Variants in UGGT1 observed in about 807,000 individuals in gnomAD.
The protein encoded by UGGT1 is UDP-glucose glycoprotein glucosyltransferase 1.
In UGGT1, 107 loss-of-function variants were observed where a neutral mutation model predicts 203.9. The ratio of observed to expected loss-of-function variants is 0.52; its 90% CI spans 0.45 to 0.62. The LOEUF (loss-of-function observed/expected upper bound fraction) is 0.62, where lower values mean the gene tolerates loss of function less well. Among genes scored for constraint, UGGT1 ranks in the 20% least tolerant of loss-of-function variants. The pLI is 0.00. For synonymous variants in UGGT1, 628 were observed against 653.5 expected, an observed-to-expected ratio of 0.96 and a Z score of 0.59; for missense variants, 1,673 against 1,867.2, an observed-to-expected ratio of 0.90 and a Z score of 1.92.
At chr2:128,133,087 G>A (rs1688958507) in intron 13 of UGGT1, 54 bp from the exon 14 acceptor site, 2 of 1,591,222 alleles carry the variant, frequency 1.3e-6, no homozygotes, top group Admixed American at 1.7e-5. Context: ...ATTATTGCAG[G>A]TTTTACTAAC....
chr2:128,161,926 C>T (rs1274217203), intron 25 of UGGT1, among the ~76,000 whole-genome samples: 1 of 152,144 alleles, frequency 6.6e-6, no homozygotes, highest in Non-Finnish European at 1.5e-5. Flanking sequence ...TTTGAGGAAC[C>T]ACAATACCTT....
intron 40 of UGGT1, among the ~76,000 whole-genome samples, chr2:128,188,976 G>A (rs773187057): frequency 5.9e-5 from 9 of 152,160 alleles, no homozygotes; most frequent in Non-Finnish European, 1.2e-4. Flanking sequence ...ATAGATAAAT[G>A]GGCAAAGAAT....
In UGGT1 at chr2:128,189,899, G is replaced by T; in HGVS notation, c.*157G>T. The T allele has an allele frequency of 1.4e-6, 1 of 716,070 alleles. No individual in the cohort carries two copies. Among genetic ancestry groups the T allele is most frequent in the Non-Finnish European group, 2.3e-6 (1 of 441,352 alleles). The allele number at this position is 716,070 out of a possible 1,614,324, so 44.4% of individuals were successfully genotyped here. On this transcript the variant is annotated 3_prime_UTR_variant, in exon 41 of 41. Coordinates refer to ENST00000259253, the MANE Select transcript of UGGT1 (RefSeq NM_020120.4). ...CATTTGATTCTGACTTCTGTACTCT[G>T]GTGGCCACTGGATCTTTGGGATTAA... is the stretch of plus-strand genomic sequence containing the variant.
intron 13 of UGGT1, 26 bp downstream of exon 13, chr2:128,129,205 A>G (rs1688760201): frequency 6.3e-7 from 1 of 1,587,634 alleles, no homozygotes; most frequent in Admixed American, 1.9e-5. Flanking sequence ...GGGTGATCAA[A>G]GGACTTTCTG....
intron 26 of UGGT1, among the ~76,000 whole-genome samples, chr2:128,168,627 A>G (rs989968723): frequency 2.0e-5 from 3 of 152,236 alleles, no homozygotes; most frequent in African/African-American, 7.2e-5. Context: ...AAAATTGGGT[A>G]TAATTTTAAA....
At chr2:128,151,906 G>T (rs1489795332) in intron 18 of UGGT1, among the ~76,000 whole-genome samples, 2 of 152,150 alleles carry the variant, frequency 1.3e-5, no homozygotes, top group African/African-American at 4.8e-5. Context: ...TGACTTTAAA[G>T]TATACCTGTG....
chr2:128,180,867 G>A (rs1412749786), intron 35 of UGGT1, 23 bp from the exon 36 acceptor site: 1 of 1,598,744 alleles, frequency 6.3e-7, no homozygotes, highest in East Asian at 2.2e-5. Flanking sequence ...ATGATTATTT[G>A]TTGTTCCCAT....
chr2:128,119,935 CTTTCTTTT>C (rs1461616000), intron 8 of UGGT1, among the ~76,000 whole-genome samples: 5 of 150,972 alleles, frequency 3.3e-5, no homozygotes, highest in African/African-American at 9.7e-5. Context: ...TCCTTTCTTT[CTTTCTTTT>C]TTTCTTTTTT....
At chr2:128,127,159 G>A (rs916032036) in intron 11 of UGGT1, among the ~76,000 whole-genome samples, 1 of 151,856 alleles carries the variant, frequency 6.6e-6, no homozygotes, top group Non-Finnish European at 1.5e-5. Context: ...TATTTTTGTG[G>A]TGTACAACAT....
intron 34 of UGGT1, among the ~76,000 whole-genome samples, chr2:128,179,030 A>G (rs559295160): frequency 3.3e-5 from 5 of 152,266 alleles, no homozygotes; most frequent in Admixed American, 2.6e-4. Context: ...GGACTTGTCT[A>G]AGGTCACACA....
chr2:128,175,916 A>G (rs976939863), intron 31 of UGGT1, among the ~76,000 whole-genome samples: 1 of 152,232 alleles, frequency 6.6e-6, no homozygotes, highest in Non-Finnish European at 1.5e-5. Flanking sequence ...GTGACTGGAA[A>G]TTTTAGGCAT....
chr2:128,113,025 A>G, intron 5 of UGGT1, 59 bp from the exon 6 acceptor site: 1 of 1,384,942 alleles, frequency 7.2e-7, no homozygotes, highest in South Asian at 1.7e-5. Context: ...ATATTTTGTG[A>G]CATTTTTAGT....
rs766776057 is a variant in UGGT1, at chr2:128,178,470, G to T, written c.3716G>T (p.Gly1239Val). The T allele has an allele frequency of 1.2e-6, 2 of 1,612,130 alleles. No individual in the cohort carries two copies. Among genetic ancestry groups the T allele is most frequent in the South Asian group, 2.2e-5 (2 of 90,818 alleles). Reference protein sequence around the residue: ...ESGFWDSFKWGFTGQKTEEVK... With the variant: ...ESGFWDSFKWVFTGQKTEEVK... ...TTTTTTTACCCTTATTGTTATAGGG[G>T]CTTTACAGGACAGAAGACTGAGGAA... Residue 1239 changes from glycine (G) to valine (V), a missense_variant and splice_region_variant, in exon 34 of 41, where the codon GGC (glycine) becomes GTC (valine). This residue lies in a region of UGGT1 where 513 missense variants were observed against 684.1 expected (regional missense o/e 0.75). Coordinates refer to ENST00000259253, the MANE Select transcript of UGGT1 (RefSeq NM_020120.4).
chr2:128,142,204 G>A (rs1689464248), intron 16 of UGGT1, among the ~76,000 whole-genome samples: 1 of 151,846 alleles, frequency 6.6e-6, no homozygotes, highest in Non-Finnish European at 1.5e-5. Flanking sequence ...CCAAAGTGCT[G>A]GGATTACAGG....
intron 23 of UGGT1, among the ~76,000 whole-genome samples, chr2:128,160,159 G>A (rs867171338): frequency 5.3e-5 from 8 of 151,956 alleles, no homozygotes; most frequent in African/African-American, 1.9e-4. Flanking sequence ...ACTATTTGAC[G>A]TTTGAGTTAG....
At position 128,134,124 on chromosome 2, in the gene UGGT1, C is replaced by T. The variant is rs56304110; in HGVS notation, c.1498-752C>T. ...GGATCTCGGCTCACTGCAACCTCTG[C>T]CCCCTGGGGTTCAAGTGATTCTCCT... On this transcript the variant is annotated intron_variant, in intron 14 of 40. Transcript: ENST00000259253. 3.0e-3 allele frequency among the ~76,000 whole-genome samples: 460 copies of T among 152,246 alleles called. 2 individuals are homozygous for T. Among genetic ancestry groups the T allele is most frequent in the Non-Finnish European group, 5.2e-3 (351 of 68,016 alleles).
intron 18 of UGGT1, among the ~76,000 whole-genome samples, chr2:128,146,571 TA>T (rs1334363748): frequency 1.1e-4 from 3 of 27,932 alleles, no homozygotes; most frequent in Non-Finnish European, 2.4e-4. Context: ...TAAATATTAA[TA>T]TATATAGTTC....
At chr2:128,142,508 C>G (rs1689485058) in intron 16 of UGGT1, among the ~76,000 whole-genome samples, 1 of 149,090 alleles carries the variant, frequency 6.7e-6, no homozygotes, top group African/African-American at 2.5e-5. Flanking sequence ...GCGCTTGAAC[C>G]TGGGAGGTAG....
intron 2 of UGGT1, among the ~76,000 whole-genome samples, chr2:128,101,973 C>G (rs1383502913): frequency 6.6e-6 from 1 of 152,082 alleles, no homozygotes; most frequent in Non-Finnish European, 1.5e-5. Flanking sequence ...TATGGCATTT[C>G]AAAACATTTA....
Sources: allele counts gnomAD v4.1 joint callset (sites outside exome capture counted in the v4.1 genomes callset), GRCh38; gene constraint gnomAD v4.1.1; regional missense constraint gnomAD v4.1.1; transcripts MANE v1.5; gene names NCBI Gene and HGNC (gene_info 2026-07-23, HGNC 2026-07-21).